The following LRRC8E variants were observed in gnomAD, a reference collection of about 807,000 sequenced individuals.
The protein encoded by LRRC8E is leucine rich repeat containing 8 VRAC subunit E.
Under a neutral mutation model 6.1 loss-of-function variants are expected in LRRC8E, and 6 were observed. The ratio of observed to expected loss-of-function variants is 0.98; its 90% CI spans 0.54 to 1.93. LRRC8E has a LOEUF of 1.93. LRRC8E is among the 30% of genes most tolerant of loss of function. The pLI, the probability that LRRC8E is intolerant of heterozygous loss-of-function variation, is 0.01. For missense variants in LRRC8E, 1,028 were observed against 1,031.4 expected (o/e 1.00, Z 0.04); for synonymous variants, 485 against 472.8 (o/e 1.03, Z -0.33).
chr19:7,898,671 A>G lies in LRRC8E; in HGVS notation c.149A>G (p.Asp50Gly). 1 of 1,606,770 alleles carries G rather than the reference A, an allele frequency of 6.2e-7. No homozygotes were observed. Among genetic ancestry groups the G allele is most frequent in the Non-Finnish European group, 8.5e-7 (1 of 1,175,282 alleles). The stretch of plus-strand genomic sequence containing the variant: ...TCTTTTGCTCCTCAGGTGACACAGG[A>G]CAAGATCATCTGTCTACCCAATCAT... ...VFGCTLQVTQDKIICLPNHEL... is the reference protein window; with the variant it reads ...VFGCTLQVTQGKIICLPNHEL... Residue 50 changes from aspartate (D) to glycine (G), a missense_variant, in exon 3 of 3, where the codon GAC becomes GGC. Asp to Gly is a moderately conservative substitution (Grantham distance 94). Coordinates refer to ENST00000306708, the MANE Select transcript of LRRC8E (RefSeq NM_025061.6).
intron 1 of LRRC8E, among the ~76,000 whole-genome samples, chr19:7,892,352 G>A (rs562065621): frequency 3.9e-5 from 6 of 152,148 alleles, no homozygotes; most frequent in African/African-American, 1.4e-4. Flanking sequence ...GATTACAGGC[G>A]TGAGCCACCG....
In LRRC8E at chr19:7,899,172, C is replaced by G; in HGVS notation, c.650C>G (p.Pro217Arg). 6.2e-7 allele frequency: 1 copy of G among 1,614,104 alleles called. No homozygotes were observed. The highest frequency in any genetic ancestry group is 8.5e-7 in the Non-Finnish European group (1 of 1,180,010). ...LAEPEKVVTE[P>R]PVVTLLDKKE... ...GAACCGGAGAAGGTGGTGACCGAGC[C>G]TCCAGTTGTCACCCTGTTGGACAAG... The change falls in exon 3 of 3, where the codon CCT becomes CGT. Residue 217 changes from proline to arginine, a missense_variant. Physicochemically the swap from Pro to Arg is moderately radical, Grantham distance 103. Transcript: ENST00000306708.
In LRRC8E at chr19:7,900,902, G is replaced by A. The variant is rs1212702336; in HGVS notation, c.2380G>A (p.Glu794Lys). The A allele has an allele frequency of 1.3e-6, 2 of 1,518,942 alleles. No homozygotes were observed. The highest frequency in any genetic ancestry group is 2.8e-5 in the African/African-American group (2 of 71,742). 94.1% of individuals were successfully genotyped at this position (1,518,942 alleles called of 1,614,324 possible). A position where few individuals can be genotyped will look rare whatever the true frequency, so the allele number is the denominator to read the frequency against. ...GCCGGCAGAAGTGCGGGACAAGATGGAGGAGGAATGAAGCTGGGGTGGGGC... is the reference window on the plus strand; with the variant it reads ...GCCGGCAGAAGTGCGGGACAAGATGAAGGAGGAATGAAGCTGGGGTGGGGC... ...GLPAEVRDKM[E>K]EE The change falls in exon 3 of 3, where the codon GAG becomes AAG. Residue 794 changes from glutamate to lysine, a missense_variant. By Grantham distance (56) the Glu-to-Lys change is moderately conservative. Transcript: ENST00000306708. This position sits in a 1 kb window ranked among gnomAD's most constrained non-coding sequence, Gnocchi z 5.0.
chr19:7,897,329 C>T (rs1159753880), intron 2 of LRRC8E, among the ~76,000 whole-genome samples: 3 of 151,860 alleles, frequency 2.0e-5, no homozygotes, highest in Non-Finnish European at 4.4e-5. Flanking sequence ...GCCACCACGC[C>T]CGGCTAATAT....
At position 7,900,695 on chromosome 19, in the gene LRRC8E, C is replaced by T. The variant is rs148226316; in HGVS notation, c.2173C>T (p.Arg725Trp). 1.2e-5 allele frequency: 20 copies of T among 1,613,328 alleles called. No individual in the cohort carries two copies. The highest frequency in any genetic ancestry group is 3.3e-5 in the Admixed American group (2 of 60,008). Reference protein sequence around the residue: ...PEELFFCRKLRTLLLGDNQLS... With the variant: ...PEELFFCRKLWTLLLGDNQLS... Reference sequence around the variant, plus strand: ...AGAGCTCTTCTTCTGCCGCAAGCTGCGGACGTTGCTTCTGGGCGACAACCA... The same window carrying T: ...AGAGCTCTTCTTCTGCCGCAAGCTGTGGACGTTGCTTCTGGGCGACAACCA... The change falls in exon 3 of 3, where the codon CGG becomes TGG. Residue 725 changes from arginine (R) to tryptophan (W), a missense_variant. By Grantham distance (101) the Arg-to-Trp change is moderately radical (BLOSUM62 -3). Coordinates refer to ENST00000306708, the MANE Select transcript of LRRC8E (RefSeq NM_025061.6). The surrounding 1 kb of genome is among the most constrained non-coding windows in gnomAD (Gnocchi z 5.0).
chr19:7,895,424 A>AG lies in LRRC8E; in HGVS notation c.-5-172dup. 1 of 711,190 alleles carries AG rather than the reference A, an allele frequency of 1.4e-6. No homozygotes were observed. Among genetic ancestry groups the AG allele is most frequent in the Non-Finnish European group, 2.3e-6 (1 of 428,082 alleles). 44.1% of individuals were successfully genotyped at this position (711,190 alleles called of 1,614,324 possible). On this transcript the variant is annotated intron_variant, in intron 1 of 2. Coordinates refer to ENST00000306708, the MANE Select transcript of LRRC8E (RefSeq NM_025061.6). The surrounding 1 kb of genome is among the most constrained non-coding windows in gnomAD (Gnocchi z 4.7). ...TGGGCAGGTGGTGACGTCTGCATGG[A>AG]GGGTGACTAAGGCCAGGCTAAGAGG... is the stretch of plus-strand genomic sequence containing the variant.
chr19:7,899,421 G>C lies in LRRC8E; in HGVS notation c.899G>C (p.Cys300Ser), dbSNP rs780119303. 3 of 1,614,160 alleles carry C rather than the reference G, an allele frequency of 1.9e-6. No individual in the cohort carries two copies. Among genetic ancestry groups the C allele is most frequent in the East Asian group, 2.2e-5 (1 of 44,878 alleles). Reference protein sequence around the residue: ...TSEVTGYASFCCNHTKAHLFS... With the variant: ...TSEVTGYASFSCNHTKAHLFS... ...GAGGTCACGGGCTACGCCAGCTTCT[G>C]CTGCAACCACACCAAGGCCCACCTC... Residue 300 changes from cysteine to serine, a missense_variant, in exon 3 of 3, where the codon TGC becomes TCC. Cys to Ser is a moderately radical substitution (Grantham distance 112). Transcript: ENST00000306708.
At position 7,897,741 on chromosome 19, in the gene LRRC8E, G is replaced by A. The variant is rs922253928; in HGVS notation, c.139-920G>A. 4.6e-5 allele frequency among the ~76,000 whole-genome samples: 7 copies of A among 151,716 alleles called. 1 individual carries two copies. Among genetic ancestry groups the A allele is most frequent in the Admixed American group, 6.6e-5 (1 of 15,172 alleles). ...TCTATGTTTCCCCTTTCTCTAAGGCGCAGTCATACTGGGCCCACCCTACTG... is the reference window on the plus strand; with the variant it reads ...TCTATGTTTCCCCTTTCTCTAAGGCACAGTCATACTGGGCCCACCCTACTG... On this transcript the variant is annotated intron_variant, in intron 2 of 2. Coordinates refer to ENST00000306708, the MANE Select transcript of LRRC8E (RefSeq NM_025061.6).
rs1330566764 is a variant in LRRC8E at position 7,888,516 on chromosome 19, G to A, written c.-90G>A. 6.6e-6 allele frequency: 1 copy of A among 152,242 alleles called. No homozygotes were observed. Among genetic ancestry groups the A allele is most frequent in the Non-Finnish European group, 1.5e-5 (1 of 68,082 alleles). The allele number at this position is 152,242 out of a possible 1,614,324, so 9.4% of individuals were successfully genotyped here. On this transcript the variant is annotated 5_prime_UTR_variant, in exon 1 of 3. Transcript: ENST00000306708. ...TCCCCGCCTGCCCTGACTCACCCTC[G>A]CGGCCCGCCCGGGAACTCTGCGGGA...
At position 7,895,947 on chromosome 19, in the gene LRRC8E, T is replaced by C. The variant is rs1335572899; in HGVS notation, c.138+206T>C. On this transcript the variant is annotated intron_variant, in intron 2 of 2. Transcript: ENST00000306708. The surrounding 1 kb of genome is among the most constrained non-coding windows in gnomAD (Gnocchi z 4.7). Reference sequence around the variant, plus strand: ...TTGCTATGCCATTCCATATCTTTTTTTCTTTTTTGAGACGGAGTCTCACTC... The same window carrying C: ...TTGCTATGCCATTCCATATCTTTTTCTCTTTTTTGAGACGGAGTCTCACTC... 6.6e-6 allele frequency among the ~76,000 whole-genome samples: 1 copy of C among 152,168 alleles called. No individual in the cohort carries two copies. The highest frequency in any genetic ancestry group is 1.9e-4 in the East Asian group (1 of 5,164).
At chr19:7,897,175 TTTC>T (rs1981641549) in intron 2 of LRRC8E, among the ~76,000 whole-genome samples, 2 of 151,188 alleles carry the variant, frequency 1.3e-5, no homozygotes, top group Non-Finnish European at 1.5e-5. Context: ...TCTTTTTCTT[TTTC>T]TTTTTTTTTT....
chr19:7,899,852 C>G lies in LRRC8E; in HGVS notation c.1330C>G (p.Leu444Val). ...GCTCAGTGAGGTGGAGTCACTCAGGCTGGAGGCCATCTGCGATATCACCTT... is the reference window on the plus strand; with the variant it reads ...GCTCAGTGAGGTGGAGTCACTCAGGGTGGAGGCCATCTGCGATATCACCTT... ...FELSEVESLRLEAICDITFPP... is the reference protein window; with the variant it reads ...FELSEVESLRVEAICDITFPP... Residue 444 changes from leucine (L) to valine (V), a missense_variant, in exon 3 of 3, where the codon CTG becomes GTG. Physicochemically the swap from Leu to Val is conservative, Grantham distance 32. Transcript: ENST00000306708. 1.2e-6 allele frequency: 2 copies of G among 1,606,216 alleles called. No homozygotes were observed. The highest frequency in any genetic ancestry group is 1.7e-6 in the Non-Finnish European group (2 of 1,179,956).
chr19:7,899,283 T>G lies in LRRC8E; in HGVS notation c.761T>G (p.Met254Arg). 3 of 1,614,210 alleles carry G rather than the reference T, an allele frequency of 1.9e-6. No homozygotes were observed. The highest frequency in any genetic ancestry group is 2.5e-6 in the Non-Finnish European group (3 of 1,180,036). The change falls in exon 3 of 3, where the codon ATG (methionine) becomes AGG (arginine). Residue 254 changes from methionine (M) to arginine (R), a missense_variant. By Grantham distance (91) the Met-to-Arg change is moderately conservative (BLOSUM62 -1). Transcript: ENST00000306708. ...HVEEGDILYTMYIRQTVLKVC... is the reference protein window; with the variant it reads ...HVEEGDILYTRYIRQTVLKVC... ...GAAGAGGGCGACATCCTGTACACCATGTACATCCGACAGACGGTGCTGAAA... is the reference window on the plus strand; with the variant it reads ...GAAGAGGGCGACATCCTGTACACCAGGTACATCCGACAGACGGTGCTGAAA...
In LRRC8E at chr19:7,899,235, TGAA is replaced by T. The variant is rs1981795787; in HGVS notation, c.718_720del (p.Lys240del). 6.2e-7 allele frequency: 1 copy of T among 1,614,116 alleles called. No homozygotes were observed. Among genetic ancestry groups the T allele is most frequent in the Non-Finnish European group, 8.5e-7 (1 of 1,180,024 alleles). ...CAAGCCAAAGCCCTGTTTGAGAAGG[TGAA>T]GAAGTTCCGCATGCACGTGGAAGAG... On this transcript the variant is annotated inframe_deletion, in exon 3 of 3. Transcript: ENST00000306708.
At position 7,899,323 on chromosome 19, in the gene LRRC8E, G is replaced by T. The variant is rs1452598636; in HGVS notation, c.801G>T (p.Leu267=). The T allele has an allele frequency of 6.2e-7, 1 of 1,614,174 alleles. No individual in the cohort carries two copies. Among genetic ancestry groups the T allele is most frequent in the East Asian group, 2.2e-5 (1 of 44,886 alleles). Residue 267 remains leucine, a synonymous_variant, in exon 3 of 3, where the codon CTG becomes CTT. Transcript: ENST00000306708. ...RQTVLKVCKF[L]AILVYNLVYV... ...CGGTGCTGAAAGTGTGTAAGTTCCTGGCCATCCTGGTCTACAACCTGGTCT... is the reference window on the plus strand; with the variant it reads ...CGGTGCTGAAAGTGTGTAAGTTCCTTGCCATCCTGGTCTACAACCTGGTCT...
chr19:7,895,684 G>C lies in LRRC8E; in HGVS notation c.81G>C (p.Leu27=). The part of the protein sequence containing the change: ...FKVLKPWWDV[L]AEYLTVAMLM... ...TGCTCAAACCCTGGTGGGACGTGCTGGCCGAGTACCTCACCGTGGCCATGC... is the reference window on the plus strand; with the variant it reads ...TGCTCAAACCCTGGTGGGACGTGCTCGCCGAGTACCTCACCGTGGCCATGC... Residue 27 remains leucine (L), a synonymous_variant, in exon 2 of 3, where the codon CTG becomes CTC. Transcript: ENST00000306708. This position sits in a 1 kb window ranked among gnomAD's most constrained non-coding sequence, Gnocchi z 4.7. 6.2e-7 allele frequency: 1 copy of C among 1,614,108 alleles called. No homozygotes were observed. The highest frequency in any genetic ancestry group is 8.5e-7 in the Non-Finnish European group (1 of 1,179,986).
rs1341535931 is a variant in LRRC8E at position 7,895,681 on chromosome 19, G to C, written c.78G>C (p.Val26=). ...AFKVLKPWWD[V]LAEYLTVAML... ...AGGTGCTCAAACCCTGGTGGGACGT[G>C]CTGGCCGAGTACCTCACCGTGGCCA... Residue 26 remains valine, a synonymous_variant, in exon 2 of 3, where the codon GTG becomes GTC. Transcript: ENST00000306708. This position sits in a 1 kb window ranked among gnomAD's most constrained non-coding sequence, Gnocchi z 4.7. The C allele has an allele frequency of 6.2e-7, 1 of 1,614,162 alleles. No individual in the cohort carries two copies. Among genetic ancestry groups the C allele is most frequent in the East Asian group, 2.2e-5 (1 of 44,874 alleles).
chr19:7,901,018 A>T lies in LRRC8E; in HGVS notation c.*105A>T. 141 of 276,028 alleles carry T rather than the reference A, an allele frequency of 5.1e-4. No individual in the cohort carries two copies. Among genetic ancestry groups the T allele is most frequent in the Middle Eastern group, 1.1e-3 (1 of 902 alleles). The allele number at this position is 276,028 out of a possible 1,614,324, so 17.1% of individuals were successfully genotyped here. Reference sequence around the variant, plus strand: ...AAGCCAAGTGGGTCCAGGCCAGGAGATGGGGGGGGCGGGGGCAGCTGTGTC... The same window carrying T: ...AAGCCAAGTGGGTCCAGGCCAGGAGTTGGGGGGGGCGGGGGCAGCTGTGTC... On this transcript the variant is annotated 3_prime_UTR_variant, in exon 3 of 3. Coordinates refer to ENST00000306708, the MANE Select transcript of LRRC8E (RefSeq NM_025061.6).
chr19:7,897,004 A>C (rs1981630440), intron 2 of LRRC8E, among the ~76,000 whole-genome samples: 2 of 152,098 alleles, frequency 1.3e-5, no homozygotes. Context: ...GAGTGGCTTA[A>C]ATAACCAGAA....
Sources: gnomAD v4.1 joint callset for allele counts (sites outside exome capture counted in the v4.1 genomes callset) on GRCh38, gnomAD v4.1.1 for gene constraint, Gnocchi (gnomAD v3.1) non-coding constraint, MANE v1.5 for transcripts, NCBI Gene and HGNC (gene_info 2026-07-23, HGNC 2026-07-21) for gene names.